PPP1R7: variants seen among roughly 807,000 people sequenced by gnomAD.
The protein encoded by PPP1R7 is protein phosphatase 1 regulatory subunit 7.
Under a neutral mutation model 45.2 loss-of-function variants are expected in PPP1R7, and 18 were observed. That is an observed-to-expected ratio of 0.40 (90% CI 0.28 to 0.59). The LOEUF is 0.59. Ranked by LOEUF, PPP1R7 falls within the 20% of genes least tolerant of loss-of-function variation. The pLI is 0.46. For missense variants in PPP1R7, 314 were observed against 455.8 expected (o/e 0.69, Z 2.83); for synonymous variants, 181 against 183.4 (o/e 0.99, Z 0.11).
chr2:241,171,512 G>C (rs1193754466), intron 9 of PPP1R7, among the ~76,000 whole-genome samples: 1 of 152,190 alleles, frequency 6.6e-6, no homozygotes, highest in Non-Finnish European at 1.5e-5. Context: ...TCACATTTGA[G>C]AGGCACATCA....
intron 3 of PPP1R7, 47 bp downstream of exon 3, chr2:241,157,909 C>G (rs776796822): frequency 3.8e-6 from 6 of 1,558,618 alleles, no homozygotes; most frequent in Non-Finnish European, 5.3e-6. Context: ...GATGGACCAC[C>G]CTGTCAGGTT....
intron 9 of PPP1R7, among the ~76,000 whole-genome samples, chr2:241,173,269 CAAA>C (rs540011262): frequency 2.2e-5 from 2 of 90,668 alleles, no homozygotes; most frequent in African/African-American, 1.2e-4. Context: ...AAGACTTTCT[CAAA>C]AAAAAAAAAA....
chr2:241,172,089 G>A (rs1442756703), intron 9 of PPP1R7, among the ~76,000 whole-genome samples: 1 of 149,220 alleles, frequency 6.7e-6, no homozygotes, highest in Non-Finnish European at 1.5e-5. Context: ...TATCATCTTA[G>A]TATTTGTTTT....
At chr2:241,158,330 C>A in intron 3 of PPP1R7, 154 bp from the exon 4 acceptor site, 1 of 670,394 alleles carries the variant, frequency 1.5e-6, no homozygotes, top group Non-Finnish European at 2.7e-6. Context: ...CCAAAGAGCC[C>A]CCGCAGCACA....
At chr2:241,172,108 C>T (rs1327080922) in intron 9 of PPP1R7, among the ~76,000 whole-genome samples, 1 of 147,830 alleles carries the variant, frequency 6.8e-6, no homozygotes, top group Non-Finnish European at 1.5e-5. Flanking sequence ...TTTTATTTGT[C>T]TCATCTATTC....
At chr2:241,167,028 C>G (rs747235199) in intron 8 of PPP1R7, 3 of 1,611,548 alleles carry the variant, frequency 1.9e-6, no homozygotes, top group Admixed American at 3.3e-5. Context: ...CCTCCCTCCC[C>G]GGCCCTTCTC....
chr2:241,155,886 T>C (rs549360787), intron 2 of PPP1R7, among the ~76,000 whole-genome samples: 40 of 152,252 alleles, frequency 2.6e-4, no homozygotes, highest in Non-Finnish European at 5.3e-4. Flanking sequence ...TGATTTGTTA[T>C]CTATCTCTTG....
At chr2:241,173,173 G>T (rs1242898321) in intron 9 of PPP1R7, among the ~76,000 whole-genome samples, 1 of 148,108 alleles carries the variant, frequency 6.8e-6, no homozygotes, top group Non-Finnish European at 1.5e-5. Flanking sequence ...TGGGGAGGCT[G>T]AGACAGGAGA....
intron 1 of PPP1R7, chr2:241,151,590 G>A (rs982321260): frequency 2.1e-6 from 1 of 471,170 alleles, no homozygotes; most frequent in Non-Finnish European, 4.4e-6. Context: ...ATGTGGTGGG[G>A]ATGGGGGCGG....
At chr2:241,151,940 C>T (rs2067324851) in intron 1 of PPP1R7, among the ~76,000 whole-genome samples, 1 of 152,204 alleles carries the variant, frequency 6.6e-6, no homozygotes, top group Non-Finnish European at 1.5e-5. Context: ...AGCCACTGTC[C>T]CATGTTCCAG....
intron 4 of PPP1R7, 49 bp from the exon 5 acceptor site, chr2:241,159,164 C>T (rs369775570): frequency 3.8e-6 from 6 of 1,598,764 alleles, no homozygotes; most frequent in South Asian, 2.2e-5. Flanking sequence ...GAGGCCTTCT[C>T]GTGGCCTCCC....
chr2:241,159,694 C>A (rs1457712448), intron 5 of PPP1R7, among the ~76,000 whole-genome samples: 1 of 151,906 alleles, frequency 6.6e-6, no homozygotes, highest in Non-Finnish European at 1.5e-5. Flanking sequence ...TTTGAATACT[C>A]TTTTTTTTAA....
intron 7 of PPP1R7, among the ~76,000 whole-genome samples, chr2:241,163,823 T>A (rs2067648576): frequency 6.6e-6 from 1 of 152,118 alleles, no homozygotes; most frequent in African/African-American, 2.4e-5. Context: ...CTATGTTGCC[T>A]AGGCTGGTCT....
At chr2:241,167,018 C>T in intron 8 of PPP1R7, 1 of 1,608,092 alleles carries the variant, frequency 6.2e-7, no homozygotes, top group Non-Finnish European at 8.5e-7. Flanking sequence ...CATGCTCCTC[C>T]CTCCCTCCCC....
chr2:241,160,962 C>T (rs1017386872), intron 6 of PPP1R7, among the ~76,000 whole-genome samples: 4 of 146,440 alleles, frequency 2.7e-5, no homozygotes, highest in Non-Finnish European at 6.0e-5. Context: ...CATACTTCTT[C>T]GAGATGAAAG....
rs2067637524 is a variant in PPP1R7 at position 241,163,393 on chromosome 2, A to T, written c.706A>T (p.Ser236Cys). The T allele has an allele frequency of 1.2e-6, 2 of 1,609,286 alleles. No individual in the cohort carries two copies. ...TGCGCTCACCAACCTGACAGTCCTCAGTATGCAGGTACGGAGCTTCCTGAG... is the reference window on the plus strand; with the variant it reads ...TGCGCTCACCAACCTGACAGTCCTCTGTATGCAGGTACGGAGCTTCCTGAG... The part of the protein sequence containing the change: ...LDALTNLTVL[S>C]MQSNRLTKIE... Residue 236 changes from serine to cysteine, a missense_variant, in exon 7 of 10, where the codon AGT (serine) becomes TGT (cysteine). By Grantham distance (112) the Ser-to-Cys change is moderately radical. This residue lies in a region of PPP1R7 where 168 missense variants were observed against 285.3 expected (regional missense o/e 0.59). Coordinates refer to ENST00000234038, the MANE Select transcript of PPP1R7 (RefSeq NM_002712.3).
At chr2:241,160,058 T>C (rs1048351639) in intron 5 of PPP1R7, among the ~76,000 whole-genome samples, 3 of 152,168 alleles carry the variant, frequency 2.0e-5, no homozygotes, top group Non-Finnish European at 4.4e-5. Context: ...AAAACATAGT[T>C]TCTGCCTCAA....
At chr2:241,164,052 G>A (rs2067653969) in intron 7 of PPP1R7, among the ~76,000 whole-genome samples, 1 of 152,080 alleles carries the variant, frequency 6.6e-6, no homozygotes, top group Admixed American at 6.5e-5. Context: ...AAGTAGCTGG[G>A]ACTGCAGGTA....
At chr2:241,178,035 T>C (rs1412641136) in intron 9 of PPP1R7, among the ~76,000 whole-genome samples, 2 of 152,234 alleles carry the variant, frequency 1.3e-5, no homozygotes. Context: ...CTTGATGGAA[T>C]GCTTTCCTGT....
Sources: gnomAD v4.1 joint callset for allele counts (sites outside exome capture counted in the v4.1 genomes callset) on GRCh38, gnomAD v4.1.1 for gene constraint, gnomAD v4.1.1 regional missense constraint, MANE v1.5 for transcripts, NCBI Gene and HGNC (gene_info 2026-07-23, HGNC 2026-07-21) for gene names.